The following EIF2B1 variants were observed in gnomAD, a reference collection of about 807,000 sequenced individuals.
The protein encoded by EIF2B1 is eukaryotic translation initiation factor 2B subunit alpha, also known as translation initiation factor eIF2B subunit alpha.
A neutral mutation model predicts 36.8 loss-of-function variants in EIF2B1; 30 were observed. The ratio of observed to expected loss-of-function variants is 0.81; its 90% CI spans 0.61 to 1.10. EIF2B1 has a LOEUF of 1.10. EIF2B1 is among the 50% of genes least tolerant of loss of function. EIF2B1 has a pLI of 0.00. For missense variants in EIF2B1, 271 were observed against 374.8 expected (o/e 0.72, Z 2.29); for synonymous variants, 139 against 142.2 (o/e 0.98, Z 0.16).
At position 123,621,718 on chromosome 12, in the gene EIF2B1, C is replaced by A. The variant is rs947015853; in HGVS notation, c.*38G>T. 9 of 1,612,494 alleles carry A rather than the reference C, an allele frequency of 5.6e-6. No homozygotes were observed. In the African/African-American group the frequency reaches 1.2e-4, roughly 22 times the overall value. On this transcript the variant is annotated 3_prime_UTR_variant, in exon 9 of 9. Transcript: ENST00000424014. ...CAAGCAGCTACTCACCCTGCCTCAA[C>A]TACGTAAGCTGCACCTTGGCAGGAA...
Position 123,630,283 on chromosome 12 carries a change from A to T in EIF2B1, c.255T>A (p.Asp85Glu). Residue 85 changes from aspartate (D) to glutamate (E), a missense_variant and splice_region_variant, in exon 4 of 9, where the codon GAT (aspartate) becomes GAA (glutamate). Transcript: ENST00000424014. The surrounding 1 kb of genome is among the most constrained non-coding windows in gnomAD (Gnocchi z 4.6). ...TCATGATCTTTTTACATTTGGAGTA[A>T]TCCTAGGAAGAAAAGAGCAAACTGA... ...FISLASLEYS[D>E]YSKCKKIMIE... is the part of the protein sequence containing the mutation. 6.2e-7 allele frequency: 1 copy of T among 1,614,048 alleles called. No homozygotes were observed. The highest frequency in any genetic ancestry group is 1.1e-5 in the South Asian group (1 of 91,078).
Position 123,633,586 on chromosome 12 carries a change from G to A in EIF2B1, c.-29C>T, listed in dbSNP as rs749768878. 3.1e-5 allele frequency: 50 copies of A among 1,607,140 alleles called. No individual in the cohort carries two copies. Among genetic ancestry groups the A allele is most frequent in the Non-Finnish European group, 3.8e-5 (45 of 1,179,956 alleles). ...GTCCTCCTGCTGCGGAGCCCCAGGG[G>A]ACCCGAGCCGCCCGCGCTGTCTCGA... On this transcript the variant is annotated 5_prime_UTR_variant, in exon 1 of 9. Coordinates refer to ENST00000424014, the MANE Select transcript of EIF2B1 (RefSeq NM_001414.4).
chr12:123,628,576 C>A (rs1038221168), intron 4 of EIF2B1, among the ~76,000 whole-genome samples: 1 of 151,974 alleles, frequency 6.6e-6, no homozygotes, highest in Non-Finnish European at 1.5e-5. Flanking sequence ...GTTGCCCGGG[C>A]TGGTCTTGAA....
chr12:123,624,151 T>C (rs1285137693), intron 7 of EIF2B1, among the ~76,000 whole-genome samples: 1 of 149,466 alleles, frequency 6.7e-6, no homozygotes, highest in African/African-American at 2.5e-5. Context: ...ATTATGTGTG[T>C]GTATATATAT....
rs1955178375 is a variant in EIF2B1, at chr12:123,630,302, A to G, written c.253-17T>C. The G allele has an allele frequency of 1.9e-6, 3 of 1,614,150 alleles. No homozygotes were observed. The highest frequency in any genetic ancestry group is 1.3e-5 in the African/African-American group (1 of 75,060). On this transcript the variant is annotated splice_polypyrimidine_tract_variant and intron_variant, in intron 3 of 8. Transcript: ENST00000424014. The surrounding 1 kb of genome is among the most constrained non-coding windows in gnomAD (Gnocchi z 4.6). ...GGAGTAATCCTAGGAAGAAAAGAGC[A>G]AACTGAGGGGACAGGGAAGATCCAG... is the stretch of plus-strand genomic sequence containing the variant.
rs765797092 is a variant in EIF2B1 at position 123,624,879 on chromosome 12, C to T, written c.552-17G>A. The T allele has an allele frequency of 1.2e-6, 2 of 1,608,912 alleles. No homozygotes were observed. The highest frequency in any genetic ancestry group is 2.2e-5 in the East Asian group (1 of 44,844). On this transcript the variant is annotated splice_polypyrimidine_tract_variant and intron_variant, in intron 6 of 8. Transcript: ENST00000424014. ...ATGATGTAGCTAAGGGGAAAAAAAG[C>T]TTTTCATGCTTTATTTTCTTGGCTC...
Position 123,626,251 on chromosome 12 carries a change from T to C in EIF2B1, c.551+174A>G, listed in dbSNP as rs71458809. On this transcript the variant is annotated intron_variant, in intron 6 of 8. Coordinates refer to ENST00000424014, the MANE Select transcript of EIF2B1 (RefSeq NM_001414.4). ...ACATCCTACAGCTCTGTCTTCTTTGTATGCTATCACAACCTCATAACAAGC... is the reference window on the plus strand; with the variant it reads ...ACATCCTACAGCTCTGTCTTCTTTGCATGCTATCACAACCTCATAACAAGC... 1.9e-5 allele frequency: 13 copies of C among 687,620 alleles called. No individual in the cohort carries two copies. In the East Asian group the frequency reaches 2.2e-4, roughly 12 times the overall value. The allele number at this position is 687,620 out of a possible 1,614,324, so 42.6% of individuals were successfully genotyped here.
intron 4 of EIF2B1, among the ~76,000 whole-genome samples, chr12:123,628,037 T>C (rs1955161374): frequency 6.6e-6 from 1 of 152,174 alleles, no homozygotes; most frequent in South Asian, 2.1e-4. Flanking sequence ...ATGCAATGTG[T>C]AGACACTTAG....
At chr12:123,621,942 A>C (rs1168310783) in intron 8 of EIF2B1, 22 bp from the exon 9 acceptor site, 1 of 1,613,432 alleles carries the variant, frequency 6.2e-7, no homozygotes, top group South Asian at 1.1e-5. Context: ...AGTACACATT[A>C]GTCGGCACTG....
intron 2 of EIF2B1, among the ~76,000 whole-genome samples, 162 bp downstream of exon 2, chr12:123,632,183 G>A (rs1955195908): frequency 6.6e-6 from 1 of 150,698 alleles, no homozygotes; most frequent in Non-Finnish European, 1.5e-5. Flanking sequence ...CAGGAGAATT[G>A]CTTGAACCCA....
intron 7 of EIF2B1, 72 bp downstream of exon 7, chr12:123,624,715 G>T: frequency 8.0e-7 from 1 of 1,255,006 alleles, no homozygotes; most frequent in Non-Finnish European, 1.2e-6. Flanking sequence ...AATCAACACT[G>T]CTGTGGTGTC....
rs762485276 is a variant in EIF2B1, at chr12:123,621,752, C to G, written c.*4G>C. On this transcript the variant is annotated 3_prime_UTR_variant, in exon 9 of 9. Transcript: ENST00000424014. ...CTGCACCTTGGCAGGAAAGGGCTCA[C>G]AGGTTACAGATAGAGCTTGATGAGC... The G allele has an allele frequency of 3.7e-6, 6 of 1,613,428 alleles. No individual in the cohort carries two copies. The highest frequency in any genetic ancestry group is 3.3e-5 in the Admixed American group (2 of 60,010).
intron 7 of EIF2B1, 22 bp from the exon 8 acceptor site, chr12:123,622,783 T>A: frequency 6.2e-7 from 1 of 1,613,190 alleles, no homozygotes; most frequent in Non-Finnish European, 8.5e-7. Context: ...GAAAATGGAA[T>A]GGATGAGCTC....
chr12:123,623,505 T>C (rs1028074435), intron 7 of EIF2B1, among the ~76,000 whole-genome samples: 1 of 152,200 alleles, frequency 6.6e-6, no homozygotes, highest in Non-Finnish European at 1.5e-5. Flanking sequence ...CATTAGTTTC[T>C]GAAAGTTAAA....
At chr12:123,622,551 A>C in intron 8 of EIF2B1, 85 bp downstream of exon 8, 1 of 1,587,674 alleles carries the variant, frequency 6.3e-7, no homozygotes, top group Non-Finnish European at 8.6e-7. Flanking sequence ...GGAAGTGAAA[A>C]AATTACTGGA....
rs113160065 is a variant in EIF2B1 at position 123,623,693 on chromosome 12, C to T, written c.628-932G>A. ...TTCACCATGTTGGCCAGGCTGGTCT[C>T]GAACTCCTGACCTCAGATGATCTAC... is the stretch of plus-strand genomic sequence containing the variant. On this transcript the variant is annotated intron_variant, in intron 7 of 8. Transcript: ENST00000424014. Among the ~76,000 whole-genome samples the T allele has an allele frequency of 3.0e-4, 46 of 152,110 alleles. 1 individual carries two copies. Among genetic ancestry groups the T allele is most frequent in the African/African-American group, 9.6e-4 (40 of 41,490 alleles).
At chr12:123,632,281 AAAAAGAAAAG>A (rs1955197947) in intron 2 of EIF2B1, 54 bp downstream of exon 2, 2 of 1,130,230 alleles carry the variant, frequency 1.8e-6, no homozygotes, top group Non-Finnish European at 2.6e-6. Flanking sequence ...AAAAAAAAAA[AAAAAGAAAAG>A]AAAAAAAAGA....
At position 123,621,488 on chromosome 12, in the gene EIF2B1, T is replaced by A. The variant is rs1955097895; in HGVS notation, c.*268A>T. 1 of 467,378 alleles carries A rather than the reference T, an allele frequency of 2.1e-6. No individual in the cohort carries two copies. The highest frequency in any genetic ancestry group is 3.4e-5 in the Admixed American group (1 of 29,836). The allele number at this position is 467,378 out of a possible 1,614,324, so 29.0% of individuals were successfully genotyped here. A position where few individuals can be genotyped will look rare whatever the true frequency, so the allele number is the denominator to read the frequency against. On this transcript the variant is annotated 3_prime_UTR_variant, in exon 9 of 9. Transcript: ENST00000424014. ...CATCTTTCATCAGTTAAGTAGCCAA[T>A]TATCTAACTTGTATTTCTGGAAACT...
chr12:123,622,621 A>G lies in EIF2B1; in HGVS notation c.753+15T>C. 6.2e-7 allele frequency: 1 copy of G among 1,613,842 alleles called. No individual in the cohort carries two copies. The highest frequency in any genetic ancestry group is 8.5e-7 in the Non-Finnish European group (1 of 1,179,738). On this transcript the variant is annotated intron_variant, in intron 8 of 8. Transcript: ENST00000424014. ...TTTAGACTTTAGTACCCCTTCAAAT[A>G]TGTAAAACTCTTGCCTTAAACTTAT...
Sources: gnomAD v4.1 joint callset for allele counts (sites outside exome capture counted in the v4.1 genomes callset) on GRCh38, gnomAD v4.1.1 for gene constraint, Gnocchi (gnomAD v3.1) non-coding constraint, MANE v1.5 for transcripts, NCBI Gene and HGNC (gene_info 2026-07-23, HGNC 2026-07-21) for gene names.